The following SLIT2 variants were observed in gnomAD, a reference collection of about 807,000 sequenced individuals.
SLIT2 encodes the protein slit guidance ligand 2.
Under a neutral mutation model 185.7 loss-of-function variants are expected in SLIT2, and 41 were observed. The ratio of observed to expected loss-of-function variants is 0.22; its 90% confidence interval spans 0.17 to 0.29. SLIT2 has a LOEUF of 0.29. Ranked by LOEUF, SLIT2 falls within the 10% of genes least tolerant of loss-of-function variation. SLIT2 has a pLI of 1.00. For synonymous variants in SLIT2, 693 were observed against 680.2 expected, an observed-to-expected ratio of 1.02 and a Z score of -0.29; for missense variants, 1,571 against 1,909.0, an observed-to-expected ratio of 0.82 and a Z score of 3.30.
At position 20,463,907 on chromosome 4, in the gene SLIT2, A is replaced by G. The variant is rs555456801; in HGVS notation, c.396-3845A>G. ...AAAAAAAAAAAATTTCAAAACCATA[A>G]TCATAATTAGCACTCCAAATTGCTC... On this transcript the variant is annotated intron_variant, in intron 4 of 36. Transcript: ENST00000504154. Among the ~76,000 whole-genome samples, 8 of 151,722 alleles carry G rather than the reference A, an allele frequency of 5.3e-5. No homozygotes were observed. In the South Asian group the frequency reaches 1.7e-3, roughly 32 times the overall value.
intron 4 of SLIT2, among the ~76,000 whole-genome samples, chr4:20,362,926 A>AT (rs201084118): frequency 5.4e-4 from 77 of 142,260 alleles, no homozygotes; most frequent in South Asian, 1.1e-3. Context: ...GAGGAATGAA[A>AT]TTTTTTTTTT....
chr4:20,446,470 T>A (rs982984195), intron 4 of SLIT2, among the ~76,000 whole-genome samples: 4 of 152,200 alleles, frequency 2.6e-5, no homozygotes, highest in Admixed American at 1.3e-4. Flanking sequence ...AGAAAGTGTT[T>A]GGAATTGTAT....
intron 4 of SLIT2, among the ~76,000 whole-genome samples, chr4:20,302,919 G>A (rs1717189427): frequency 1.3e-5 from 2 of 152,164 alleles, no homozygotes; most frequent in African/African-American, 2.4e-5. Context: ...TCACTTTTAT[G>A]ACTTCGTTAA....
intron 19 of SLIT2, among the ~76,000 whole-genome samples, chr4:20,540,054 C>T (rs917463606): frequency 3.6e-4 from 12 of 33,632 alleles, no homozygotes; most frequent in African/African-American, 3.4e-3. Context: ...TTGAGGCGGG[C>T]GGATTACTTG....
rs570222907 is a variant in SLIT2, at chr4:20,484,371, A to C, written c.540-1829A>C. Among the ~76,000 whole-genome samples the C allele has an allele frequency of 1.1e-4, 17 of 152,304 alleles. No homozygotes were observed. Among genetic ancestry groups the C allele is most frequent in the African/African-American group, 3.8e-4 (16 of 41,582 alleles). The stretch of plus-strand genomic sequence containing the variant: ...GAAAAAGACATCTCATTTCACCTGC[A>C]CATAGGAAAATGCTAAAAGCTCTTA... On this transcript the variant is annotated intron_variant, in intron 6 of 36. Transcript: ENST00000504154. The surrounding 1 kb of genome is among the most constrained non-coding windows in gnomAD (Gnocchi z 4.3).
intron 3 of SLIT2, among the ~76,000 whole-genome samples, chr4:20,262,668 G>T (rs1380195810): frequency 6.6e-6 from 1 of 151,872 alleles, no homozygotes; most frequent in Non-Finnish European, 1.5e-5. Flanking sequence ...AACAGAGGCT[G>T]AGTATGCACA....
In SLIT2 at chr4:20,259,816, G is replaced by A. The variant is rs923905160; in HGVS notation, c.323+1877G>A. Among the ~76,000 whole-genome samples the A allele has an allele frequency of 1.5e-4, 22 of 151,688 alleles. 1 individual carries two copies. The highest frequency in any genetic ancestry group is 3.0e-4 in the Non-Finnish European group (20 of 67,692). On this transcript the variant is annotated intron_variant, in intron 3 of 36. Coordinates refer to ENST00000504154, the MANE Select transcript of SLIT2 (RefSeq NM_004787.4). ...ATTCTGAATGAAAACTAATATATAT[G>A]CAGGACTTCTTTAAATCACCCCAGC...
intron 4 of SLIT2, chr4:20,364,264 T>C: frequency 1.1e-5 from 11 of 985,244 alleles, no homozygotes; most frequent in Non-Finnish European, 1.3e-5. Flanking sequence ...CTGCATCCTT[T>C]CTGCCTGCAC....
intron 26 of SLIT2, chr4:20,554,386 A>G (rs1408656768): frequency 2.2e-6 from 1 of 455,134 alleles, no homozygotes; most frequent in African/African-American, 2.0e-5. Flanking sequence ...AAACCTTCTG[A>G]CTCGCCTTAT....
chr4:20,539,546 A>T lies in SLIT2; in HGVS notation c.1938A>T (p.Ala646=). The T allele has an allele frequency of 6.2e-7, 1 of 1,613,102 alleles. No individual in the cohort carries two copies. The highest frequency in any genetic ancestry group is 1.1e-5 in the South Asian group (1 of 91,038). Residue 646 remains alanine, a synonymous_variant, in exon 19 of 37, where the codon GCA becomes GCT. Transcript: ENST00000504154. The part of the protein sequence containing the change: ...SLYDNQITTV[A]PGAFDTLHSL... Reference sequence around the variant, plus strand: ...ATGATAATCAAATTACTACAGTTGCACCAGGGGCATTTGATACTCTCCATT... The same window carrying T: ...ATGATAATCAAATTACTACAGTTGCTCCAGGGGCATTTGATACTCTCCATT...
rs200592091 is a variant in SLIT2, at chr4:20,533,726, G to T, written c.1832+11G>T. 430 of 1,605,048 alleles carry T rather than the reference G, an allele frequency of 2.7e-4. 4 individuals are homozygous for T. Among genetic ancestry groups the T allele is most frequent in the African/African-American group, 5.4e-5 (4 of 74,648 alleles). The stretch of plus-strand genomic sequence containing the variant: ...AAGCCTCAAAACTTTGTAAGTATTT[G>T]TACTTGCATTGCAGTTCTTCTACCA... On this transcript the variant is annotated intron_variant, in intron 18 of 36. Coordinates refer to ENST00000504154, the MANE Select transcript of SLIT2 (RefSeq NM_004787.4).
At chr4:20,413,885 G>T (rs1727452686) in intron 4 of SLIT2, among the ~76,000 whole-genome samples, 1 of 151,732 alleles carries the variant, frequency 6.6e-6, no homozygotes, top group South Asian at 2.1e-4. Context: ...TCTGCCTTTT[G>T]ATTTCATTAT....
chr4:20,494,149 A>G (rs1226408212), intron 9 of SLIT2, among the ~76,000 whole-genome samples: 3 of 152,202 alleles, frequency 2.0e-5, no homozygotes, highest in African/African-American at 4.8e-5. Context: ...AAAAGGAGAG[A>G]ATGCAAGGCA....
At chr4:20,360,880 A>G (rs1374530961) in intron 4 of SLIT2, among the ~76,000 whole-genome samples, 1 of 152,156 alleles carries the variant, frequency 6.6e-6, no homozygotes, top group Non-Finnish European at 1.5e-5. Flanking sequence ...TTTAATTTTT[A>G]AAGTCAACCT....
intron 4 of SLIT2, among the ~76,000 whole-genome samples, chr4:20,275,328 T>C (rs556382438): frequency 5.9e-5 from 9 of 152,296 alleles, no homozygotes; most frequent in South Asian, 2.1e-4. Flanking sequence ...GACAACCGTA[T>C]TGTTGAGGTT....
chr4:20,372,045 GT>G (rs1723625654), intron 4 of SLIT2, among the ~76,000 whole-genome samples: 1 of 152,102 alleles, frequency 6.6e-6, no homozygotes, highest in Non-Finnish European at 1.5e-5. Context: ...GTTGCTTCAA[GT>G]GGATGAGAGG....
rs10050021 is a variant in SLIT2 at position 20,355,867 on chromosome 4, C to A, written c.395+86986C>A. Among the ~76,000 whole-genome samples, 709 of 152,192 alleles carry A rather than the reference C, an allele frequency of 4.7e-3. 10 individuals are homozygous for A. Among genetic ancestry groups the A allele is most frequent in the African/African-American group, 0.017 (688 of 41,540 alleles). Reference sequence around the variant, plus strand: ...CTTAAATAGCTATGGAAAGAGATAGCAGTTTACTACTACTACTATTATTAT... The same window carrying A: ...CTTAAATAGCTATGGAAAGAGATAGAAGTTTACTACTACTACTATTATTAT... On this transcript the variant is annotated intron_variant, in intron 4 of 36. Transcript: ENST00000504154.
intron 5 of SLIT2, among the ~76,000 whole-genome samples, chr4:20,469,060 A>G (rs1024371615): frequency 8.5e-5 from 13 of 152,142 alleles, no homozygotes; most frequent in African/African-American, 2.7e-4. Flanking sequence ...TATGGCTGTA[A>G]GGTTTTTATG....
intron 21 of SLIT2, among the ~76,000 whole-genome samples, chr4:20,545,102 A>G (rs1723134167): frequency 6.6e-6 from 1 of 152,080 alleles, no homozygotes; most frequent in Non-Finnish European, 1.5e-5. Flanking sequence ...CTTCTCAGCT[A>G]TTTCTATATC....
Sources: allele counts gnomAD v4.1 joint callset (sites outside exome capture counted in the v4.1 genomes callset), GRCh38; gene constraint gnomAD v4.1.1; non-coding constraint Gnocchi (gnomAD v3.1); transcripts MANE v1.5; gene names NCBI Gene and HGNC (gene_info 2026-07-23, HGNC 2026-07-21).